The following FARP1 variants were observed in gnomAD, a reference collection of about 807,000 sequenced individuals.
FARP1 encodes the protein FERM, ARHGEF and pleckstrin domain-containing protein 1.
FARP1 carries 52 observed loss-of-function variants against 128.8 expected under a neutral mutation model. That is an observed-to-expected ratio of 0.40 (90% CI 0.32 to 0.51). FARP1 has a LOEUF of 0.51. FARP1 is among the 20% of genes least tolerant of loss of function. The pLI, the probability that FARP1 is intolerant of heterozygous loss-of-function variation, is 0.45. For missense variants in FARP1, 1,333 were observed against 1,367.9 expected, an observed-to-expected ratio of 0.97 and a Z score of 0.40; for synonymous variants, 580 against 551.8, an observed-to-expected ratio of 1.05 and a Z score of -0.72.
At chr13:98,210,254 G>C (rs1272869772) in intron 1 of FARP1, among the ~76,000 whole-genome samples, 1 of 152,014 alleles carries the variant, frequency 6.6e-6, no homozygotes, top group East Asian at 1.9e-4. Flanking sequence ...CCCCCTGGGG[G>C]TCTCTTTTTC....
intron 23 of FARP1, 53 bp downstream of exon 23, chr13:98,440,288 C>A: frequency 1.5e-6 from 2 of 1,350,660 alleles, no homozygotes; most frequent in Non-Finnish European, 2.1e-6. Flanking sequence ...CATGGAGGGA[C>A]AGCATTTCTG....
chr13:98,169,361 G>A (rs1366224709), intron 1 of FARP1, among the ~76,000 whole-genome samples: 2 of 152,148 alleles, frequency 1.3e-5, no homozygotes, highest in Admixed American at 6.6e-5. Flanking sequence ...CATTGTTTTG[G>A]TAGAACACAT....
At chr13:98,332,773 C>G (rs933228288) in intron 2 of FARP1, 1 of 152,104 alleles carries the variant, frequency 6.6e-6, no homozygotes, top group East Asian at 1.9e-4. Context: ...ACGTTAAGAT[C>G]GGTTCTTGGG....
In FARP1 at chr13:98,356,791, C is replaced by T. The variant is rs187155468; in HGVS notation, c.277-8604C>T. On this transcript the variant is annotated intron_variant, in intron 3 of 26. Transcript: ENST00000319562. ...CTGGGACTATAGGTGCCCGCCACCA[C>T]GCCCGGCTAATTTTTGTATTTTTAG... Among the ~76,000 whole-genome samples the T allele has an allele frequency of 6.6e-5, 10 of 151,964 alleles. No individual in the cohort carries two copies. The East Asian group carries it at 7.7e-4, about 12-fold the overall frequency.
chr13:98,323,366 T>C (rs747930566), intron 2 of FARP1, among the ~76,000 whole-genome samples: 1 of 151,486 alleles, frequency 6.6e-6, no homozygotes, highest in Non-Finnish European at 1.5e-5. Flanking sequence ...AAGTGGTCTC[T>C]GTAATGAGAA....
chr13:98,444,581 G>A (rs1460091922), intron 24 of FARP1, among the ~76,000 whole-genome samples: 1 of 152,182 alleles, frequency 6.6e-6, no homozygotes, highest in Non-Finnish European at 1.5e-5. Flanking sequence ...GGATGGACCC[G>A]ACACAGGGGA....
At chr13:98,155,639 C>T (rs751083376) in intron 1 of FARP1, among the ~76,000 whole-genome samples, 1 of 152,162 alleles carries the variant, frequency 6.6e-6, no homozygotes, top group Non-Finnish European at 1.5e-5. Context: ...CCACTTCAGC[C>T]TCCCAAGTAG....
intron 18 of FARP1, 50 bp from the exon 19 acceptor site, chr13:98,435,526 A>AC: frequency 1.3e-6 from 2 of 1,563,158 alleles, no homozygotes; most frequent in Non-Finnish European, 1.7e-6. Flanking sequence ...CTAGGGGAAG[A>AC]CCCCTGCCTG....
chr13:98,191,771 C>T (rs187374249), intron 1 of FARP1, among the ~76,000 whole-genome samples: 173 of 152,204 alleles, frequency 1.1e-3, no homozygotes, highest in African/African-American at 3.8e-3. Context: ...GGAAAAACCC[C>T]GTCCCTACTA....
chr13:98,170,112 T>G (rs1212273710), intron 1 of FARP1, among the ~76,000 whole-genome samples: 1 of 152,210 alleles, frequency 6.6e-6, no homozygotes, highest in Non-Finnish European at 1.5e-5. Flanking sequence ...TTCTTGTATT[T>G]TGGAAGAGAT....
intron 13 of FARP1, chr13:98,403,758 A>G (rs1232681017): frequency 1.3e-5 from 2 of 152,214 alleles, no homozygotes; most frequent in Non-Finnish European, 2.9e-5. Context: ...TCCAGTAACA[A>G]TGAGCTTGGT....
chr13:98,256,949 A>C (rs9300470), intron 2 of FARP1, among the ~76,000 whole-genome samples: 2 of 21,688 alleles, frequency 9.2e-5, no homozygotes, highest in Admixed American at 7.4e-4. Flanking sequence ...ATATATGTGG[A>C]TATATATATA....
At chr13:98,228,717 C>A (rs1213934125) in intron 2 of FARP1, among the ~76,000 whole-genome samples, 2 of 151,706 alleles carry the variant, frequency 1.3e-5, no homozygotes, top group Non-Finnish European at 2.9e-5. Context: ...TTTTTCTGTT[C>A]ATTGATCCAC....
intron 1 of FARP1, among the ~76,000 whole-genome samples, chr13:98,191,047 G>C (rs1879196641): frequency 6.6e-6 from 1 of 152,172 alleles, no homozygotes; most frequent in Non-Finnish European, 1.5e-5. Flanking sequence ...TAAAAGCAGA[G>C]CTGACACGCA....
intron 2 of FARP1, among the ~76,000 whole-genome samples, chr13:98,343,005 T>C (rs9584807): frequency 0.16 from 23,937 of 150,722 alleles, 3,149 homozygotes; most frequent in African/African-American, 0.37. Flanking sequence ...GCCTGGGCAA[T>C]AAGAGCAAAA....
intron 2 of FARP1, among the ~76,000 whole-genome samples, chr13:98,251,653 A>G (rs373890385): frequency 2.0e-5 from 3 of 151,208 alleles, no homozygotes; most frequent in East Asian, 3.9e-4. Flanking sequence ...ATTGCACTCC[A>G]GCCTGAGTGA....
At chr13:98,149,839 A>G (rs1487002224) in intron 1 of FARP1, among the ~76,000 whole-genome samples, 1 of 139,036 alleles carries the variant, frequency 7.2e-6, no homozygotes, top group Non-Finnish European at 1.5e-5. Flanking sequence ...CCAGGTTCAC[A>G]CCATTCTCCT....
chr13:98,400,576 G>T (rs1890722353), intron 13 of FARP1: 1 of 152,124 alleles, frequency 6.6e-6, no homozygotes, highest in Non-Finnish European at 1.5e-5. Flanking sequence ...AACAAATCTG[G>T]GTTCCCTTAA....
intron 16 of FARP1, among the ~76,000 whole-genome samples, chr13:98,422,678 C>A (rs1286483495): frequency 6.6e-6 from 1 of 152,160 alleles, no homozygotes; most frequent in Non-Finnish European, 1.5e-5. Context: ...TTTCTACTCA[C>A]GATGACTTTT....
Sources: gnomAD v4.1 joint callset for allele counts (sites outside exome capture counted in the v4.1 genomes callset) on GRCh38, gnomAD v4.1.1 for gene constraint, MANE v1.5 for transcripts, NCBI Gene and HGNC (gene_info 2026-07-23, HGNC 2026-07-21) for gene names.